The following PDE4D variants were observed in gnomAD, a reference collection of about 807,000 sequenced individuals.
PDE4D encodes phosphodiesterase 4D.
In PDE4D, 24 loss-of-function variants were observed where a neutral mutation model predicts 87.4. The observed-to-expected ratio is 0.27, with a 90% confidence interval of 0.20 to 0.39. The LOEUF is 0.39. PDE4D is among the 10% of genes least tolerant of loss of function. PDE4D has a pLI of 1.00. For synonymous variants in PDE4D, 384 were observed against 383.2 expected (o/e 1.00, Z -0.02); for missense variants, 714 against 1,041.0 (o/e 0.69, Z 4.32).
At chr5:59,956,537 C>T (rs1024353594) in intron 3 of PDE4D, among the ~76,000 whole-genome samples, 8 of 152,112 alleles carry the variant, frequency 5.3e-5, no homozygotes, top group African/African-American at 1.7e-4. Flanking sequence ...CCCCTGTGTG[C>T]TTGTGAACCA....
chr5:60,333,841 G>A (rs1046705324), intron 1 of PDE4D, among the ~76,000 whole-genome samples: 2 of 152,066 alleles, frequency 1.3e-5, no homozygotes, highest in Non-Finnish European at 2.9e-5. Context: ...TCAACATGAG[G>A]TTGAAAGAGA....
chr5:59,688,148 C>A (rs1007920543), intron 1 of PDE4D, among the ~76,000 whole-genome samples: 1 of 152,022 alleles, frequency 6.6e-6, no homozygotes, highest in African/African-American at 2.4e-5. Context: ...CTGTCAACAT[C>A]GGATAGATCA....
intron 1 of PDE4D, among the ~76,000 whole-genome samples, chr5:59,864,821 G>A (rs1746780789): frequency 6.6e-6 from 1 of 152,080 alleles, no homozygotes; most frequent in Non-Finnish European, 1.5e-5. Flanking sequence ...GGAAAGACAT[G>A]GGGCTACAGA....
At chr5:60,058,270 C>T (rs1508859) in intron 2 of PDE4D, among the ~76,000 whole-genome samples, 38,313 of 151,700 alleles carry the variant, frequency 0.25, 6,424 homozygotes, top group East Asian at 0.74. Context: ...AAACTTTGAG[C>T]CTTCTTGATT....
chr5:59,325,596 T>C (rs893267876), intron 1 of PDE4D, among the ~76,000 whole-genome samples: 2 of 152,176 alleles, frequency 1.3e-5, no homozygotes, highest in African/African-American at 2.4e-5. Context: ...TCTTTAAAAA[T>C]TGGCAGACAG....
chr5:59,617,590 A>G (rs1829854825), intron 1 of PDE4D, among the ~76,000 whole-genome samples: 1 of 152,152 alleles, frequency 6.6e-6, no homozygotes, highest in Non-Finnish European at 1.5e-5. Context: ...TATAAAAAGA[A>G]CACCATGTGA....
At chr5:60,503,979 T>C (rs1167248622) in intron 1 of PDE4D, among the ~76,000 whole-genome samples, 1 of 152,180 alleles carries the variant, frequency 6.6e-6, no homozygotes, top group Non-Finnish European at 1.5e-5. Flanking sequence ...CTGTAAGATA[T>C]ACAGATAACT....
intron 1 of PDE4D, among the ~76,000 whole-genome samples, chr5:59,293,521 C>A (rs1018155398): frequency 6.6e-6 from 1 of 152,256 alleles, no homozygotes; most frequent in East Asian, 1.9e-4. Flanking sequence ...CTCCGATTCC[C>A]ATTCTGCTCA....
intron 1 of PDE4D, among the ~76,000 whole-genome samples, chr5:59,243,571 T>C (rs992995129): frequency 5.5e-5 from 8 of 145,730 alleles, no homozygotes; most frequent in East Asian, 2.2e-4. Context: ...GTGATTCTCC[T>C]GCCTCAGTCT....
chr5:60,307,147 TAA>T (rs1754570696), intron 1 of PDE4D, among the ~76,000 whole-genome samples: 1 of 152,018 alleles, frequency 6.6e-6, no homozygotes, highest in East Asian at 1.9e-4. Flanking sequence ...AGGAATATAT[TAA>T]AAGAAAAAAA....
intron 6 of PDE4D, among the ~76,000 whole-genome samples, chr5:59,016,919 C>G (rs920500268): frequency 2.0e-5 from 3 of 152,052 alleles, no homozygotes; most frequent in African/African-American, 7.2e-5. Context: ...AAAAAAATTA[C>G]AAACACTCTC....
chr5:60,146,497 A>G (rs1365135855), intron 2 of PDE4D, among the ~76,000 whole-genome samples: 2 of 152,206 alleles, frequency 1.3e-5, no homozygotes, highest in African/African-American at 4.8e-5. Flanking sequence ...GAATGTCCTC[A>G]TTGACCCTTT....
chr5:59,627,873 G>A (rs1237802440), intron 1 of PDE4D, among the ~76,000 whole-genome samples: 2 of 152,112 alleles, frequency 1.3e-5, no homozygotes, highest in East Asian at 1.9e-4. Context: ...GGGAAGAAAT[G>A]AGCCCACACG....
intron 1 of PDE4D, chr5:60,448,659 A>G (rs1415838010): frequency 6.6e-6 from 1 of 152,198 alleles, no homozygotes; most frequent in Non-Finnish European, 1.5e-5. Context: ...AATCTGGAAC[A>G]GGAGTGTTGC....
intron 5 of PDE4D, chr5:59,179,706 A>AT (rs1350315200): frequency 9.2e-6 from 4 of 433,316 alleles, no homozygotes; most frequent in Non-Finnish European, 1.8e-5. Context: ...TCCTCAGCAC[A>AT]TTATGGGTTG....
chr5:59,468,960 C>T lies in PDE4D; in HGVS notation c.456-252992G>A, dbSNP rs140624425. ...GTCTTCCTAACTATGAGGCCTCCTGCAATATGAGACATTGTAGTGTTGGTA... is the reference window on the plus strand; with the variant it reads ...GTCTTCCTAACTATGAGGCCTCCTGTAATATGAGACATTGTAGTGTTGGTA... On this transcript the variant is annotated intron_variant, in intron 1 of 14. Coordinates refer to ENST00000340635, the MANE Select transcript of PDE4D (RefSeq NM_001104631.2). Among the ~76,000 whole-genome samples the T allele has an allele frequency of 3.1e-3, 474 of 152,248 alleles. 4 individuals carry two copies. Among genetic ancestry groups the T allele is most frequent in the African/African-American group, 0.011 (463 of 41,544 alleles).
At chr5:59,003,526 C>G (rs916952685) in intron 6 of PDE4D, among the ~76,000 whole-genome samples, 2 of 152,216 alleles carry the variant, frequency 1.3e-5, no homozygotes, top group African/African-American at 4.8e-5. Context: ...GATTCTACAT[C>G]TGCCCCTTCA....
At chr5:59,167,181 C>T (rs1210403641) in intron 5 of PDE4D, among the ~76,000 whole-genome samples, 2 of 152,146 alleles carry the variant, frequency 1.3e-5, no homozygotes, top group African/African-American at 4.8e-5. Flanking sequence ...TTTCTAAGGT[C>T]ACACGTAAAG....
intron 2 of PDE4D, among the ~76,000 whole-genome samples, chr5:60,128,349 C>A (rs1234369675): frequency 6.6e-6 from 1 of 152,166 alleles, no homozygotes; most frequent in East Asian, 1.9e-4. Flanking sequence ...CAGCGAGTGG[C>A]AGAGAGTCAA....
Sources: allele counts gnomAD v4.1 joint callset (sites outside exome capture counted in the v4.1 genomes callset), GRCh38; gene constraint gnomAD v4.1.1; transcripts MANE v1.5; gene names NCBI Gene and HGNC (gene_info 2026-07-23, HGNC 2026-07-21).